Variants in SLC44A5 observed in about 807,000 individuals in gnomAD.
SLC44A5 encodes the protein choline transporter-like protein 5.
SLC44A5 carries 57 observed loss-of-function variants against 101.8 expected under a neutral mutation model. The ratio of observed to expected loss-of-function variants is 0.56; its 90% CI spans 0.45 to 0.70. The LOEUF (loss-of-function observed/expected upper bound fraction) is 0.70. Ranked by LOEUF, SLC44A5 falls within the 30% of genes least tolerant of loss-of-function variation. SLC44A5 has a pLI of 0.00. For missense variants in SLC44A5, 737 were observed against 853.1 expected (o/e 0.86, Z 1.70); for synonymous variants, 281 against 290.9 (o/e 0.97, Z 0.35).
chr1:75,323,002 A>T (rs541359477), intron 4 of SLC44A5, among the ~76,000 whole-genome samples: 3 of 151,794 alleles, frequency 2.0e-5, no homozygotes, highest in Non-Finnish European at 4.4e-5. Flanking sequence ...CAGGTTAGTT[A>T]CATATGTATA....
At chr1:75,269,575 T>C (rs991886634) in intron 6 of SLC44A5, among the ~76,000 whole-genome samples, 1 of 152,162 alleles carries the variant, frequency 6.6e-6, no homozygotes, top group African/African-American at 2.4e-5. Context: ...TTTATTTTGG[T>C]ATAAGATATG....
chr1:75,439,995 G>A (rs1242814438), intron 2 of SLC44A5, among the ~76,000 whole-genome samples: 1 of 151,964 alleles, frequency 6.6e-6, no homozygotes, highest in Non-Finnish European at 1.5e-5. Context: ...GAAAAAAATG[G>A]AAGCCAAGAA....
At chr1:75,690,161 G>A in the SLC44A5 span, among the ~76,000 whole-genome samples, 5 of 152,158 alleles carry the variant, frequency 3.3e-5, no homozygotes, top group African/African-American at 4.8e-5. Flanking sequence ...AAGAAAGGAC[G>A]TTTAACTGAC....
intron 4 of SLC44A5, among the ~76,000 whole-genome samples, chr1:75,324,266 G>A (rs1317813011): frequency 6.6e-6 from 1 of 152,166 alleles, no homozygotes; most frequent in African/African-American, 2.4e-5. Flanking sequence ...GAGCTTAAAT[G>A]ATCTTCAAAG....
intron 3 of SLC44A5, among the ~76,000 whole-genome samples, chr1:75,351,300 G>A (rs1658636943): frequency 6.6e-6 from 1 of 151,820 alleles, no homozygotes. Flanking sequence ...TGATCAAAGA[G>A]ACAAAAATCA....
intron 3 of SLC44A5, among the ~76,000 whole-genome samples, chr1:75,377,091 G>A (rs374046600): frequency 1.3e-5 from 2 of 152,034 alleles, no homozygotes; most frequent in East Asian, 1.9e-4. Context: ...TGGAATGTGG[G>A]GAAAAGCAAG....
intron 7 of SLC44A5, among the ~76,000 whole-genome samples, chr1:75,249,517 T>A (rs976950294): frequency 6.6e-6 from 1 of 151,978 alleles, no homozygotes; most frequent in South Asian, 2.1e-4. Flanking sequence ...ACCTCCCAGG[T>A]GGCCAAGCAA....
At chr1:75,426,657 A>G (rs561100720) in intron 2 of SLC44A5, among the ~76,000 whole-genome samples, 29 of 152,358 alleles carry the variant, frequency 1.9e-4, no homozygotes, top group African/African-American at 7.0e-4. Context: ...TGAAGAAGTA[A>G]GAGTCTACCT....
intron 1 of SLC44A5, among the ~76,000 whole-genome samples, chr1:75,550,644 T>G (rs548720792): frequency 6.6e-6 from 1 of 152,128 alleles, no homozygotes; most frequent in African/African-American, 2.4e-5. Flanking sequence ...GGGAGTAATC[T>G]CCATACATGG....
At chr1:75,572,993 T>C (rs1421565575) in intron 1 of SLC44A5, among the ~76,000 whole-genome samples, 1 of 151,638 alleles carries the variant, frequency 6.6e-6, no homozygotes, top group Non-Finnish European at 1.5e-5. Context: ...CATAGTGGCA[T>C]GCACCTGTAG....
At chr1:75,548,390 A>G (rs1340056652) in intron 1 of SLC44A5, among the ~76,000 whole-genome samples, 1 of 152,176 alleles carries the variant, frequency 6.6e-6, no homozygotes, top group Non-Finnish European at 1.5e-5. Context: ...TATGAAATTT[A>G]ATGATCTTTA....
At chr1:75,260,775 T>C (rs1418365374) in intron 6 of SLC44A5, among the ~76,000 whole-genome samples, 1 of 152,060 alleles carries the variant, frequency 6.6e-6, no homozygotes, top group Non-Finnish European at 1.5e-5. Context: ...TAACTGGAAG[T>C]AAAACACTCC....
At chr1:75,458,803 T>A (rs1666333797) in intron 2 of SLC44A5, among the ~76,000 whole-genome samples, 1 of 152,204 alleles carries the variant, frequency 6.6e-6, no homozygotes, top group Non-Finnish European at 1.5e-5. Context: ...GCTTTTCCAG[T>A]GCCTAACCCA....
At chr1:75,279,219 C>A (rs1652182441) in intron 5 of SLC44A5, among the ~76,000 whole-genome samples, 1 of 152,154 alleles carries the variant, frequency 6.6e-6, no homozygotes, top group Non-Finnish European at 1.5e-5. Flanking sequence ...CCCTTTCCAG[C>A]CCCTGCTAAC....
chr1:75,683,619 G>GC, the SLC44A5 span, among the ~76,000 whole-genome samples: 2 of 152,148 alleles, frequency 1.3e-5, no homozygotes, highest in Non-Finnish European at 2.9e-5. Flanking sequence ...GGTGGCGGAA[G>GC]GGGGGAGGGA....
In SLC44A5 at chr1:75,289,097, T is replaced by C. The variant is rs1181755637; in HGVS notation, c.175+11515A>G. On this transcript the variant is annotated intron_variant, in intron 5 of 23. Coordinates refer to ENST00000370859, the MANE Select transcript of SLC44A5 (RefSeq NM_001130058.2). The stretch of plus-strand genomic sequence containing the variant: ...AAGTTCCTGAGGGGTCCAGTAGTTA[T>C]ATCTTCTCCATAATTAAAGATAAGT... Among the ~76,000 whole-genome samples, 9 of 152,244 alleles carry C rather than the reference T, an allele frequency of 5.9e-5. No individual in the cohort carries two copies. In the East Asian group the frequency reaches 1.5e-3, roughly 26 times the overall value.
At chr1:75,637,964 A>G in the SLC44A5 span, among the ~76,000 whole-genome samples, 1 of 152,018 alleles carries the variant, frequency 6.6e-6, no homozygotes, top group Non-Finnish European at 1.5e-5. Flanking sequence ...TCTATTACCT[A>G]GTACCTCACT....
At chr1:75,407,654 C>T (rs1662967740) in intron 2 of SLC44A5, among the ~76,000 whole-genome samples, 2 of 152,228 alleles carry the variant, frequency 1.3e-5, no homozygotes, top group South Asian at 2.1e-4. Context: ...AACTGGCTAG[C>T]CATATGCAGA....
the SLC44A5 span, among the ~76,000 whole-genome samples, chr1:75,669,077 A>C: frequency 6.6e-6 from 1 of 151,570 alleles, no homozygotes; most frequent in Non-Finnish European, 1.5e-5. Flanking sequence ...CTTGAGACAC[A>C]ATCTTTTCAA....
Sources: allele counts gnomAD v4.1 joint callset (sites outside exome capture counted in the v4.1 genomes callset), GRCh38; gene constraint gnomAD v4.1.1; transcripts MANE v1.5; gene names NCBI Gene and HGNC (gene_info 2026-07-23, HGNC 2026-07-21).